The following CREB1 variants were observed in gnomAD, a reference collection of about 807,000 sequenced individuals.
The protein encoded by CREB1 is cAMP responsive element binding protein 1, also known as cyclic AMP-responsive element-binding protein 1.
In CREB1, 2 loss-of-function variants were observed where a neutral mutation model predicts 42.0. The ratio of observed to expected loss-of-function variants is 0.05; its 90% CI spans 0.02 to 0.15. The LOEUF (loss-of-function observed/expected upper bound fraction) is 0.15. Among genes scored for constraint, CREB1 ranks in the 10% least tolerant of loss-of-function variants. The pLI is 1.00. For missense variants in CREB1, 199 were observed against 388.9 expected (o/e 0.51, Z 4.11); for synonymous variants, 123 against 139.9 (o/e 0.88, Z 0.85).
chr2:207,575,171 C>T, intron 5 of CREB1, 101 bp from the exon 6 acceptor site: 1 of 1,243,932 alleles, frequency 8.0e-7, no homozygotes, highest in Non-Finnish European at 1.1e-6. Flanking sequence ...TTTGCTGTAA[C>T]TTCTCCTAGA....
rs781608252 is a variant in CREB1 at position 207,577,550 on chromosome 2, C to G, written c.734C>G (p.Thr245Ser). The change falls in exon 7 of 8, where the codon ACT becomes AGT. Residue 245 changes from threonine to serine, a missense_variant. Physicochemically the swap from Thr to Ser is moderately conservative, Grantham distance 58 (BLOSUM62 1). Around this residue, in one of 4 missense-constraint regions of CREB1, gnomAD observed 66 missense variants for 88.1 expected, o/e 0.75. Transcript: ENST00000353267. ...VQTYQIRTAP[T>S]STIAPGVVMA... ...ACATACCAGATTCGCACAGCACCCA[C>G]TAGCACTATTGCCCCTGGAGTTGTT... 2.5e-6 allele frequency: 4 copies of G among 1,614,118 alleles called. No individual in the cohort carries two copies. Among genetic ancestry groups the G allele is most frequent in the Non-Finnish European group, 3.4e-6 (4 of 1,179,972 alleles).
At chr2:207,577,327 A>G (rs927113535) in intron 6 of CREB1, 178 bp from the exon 7 acceptor site, 2 of 1,034,620 alleles carry the variant, frequency 1.9e-6, no homozygotes, top group Admixed American at 3.1e-5. Flanking sequence ...TTACATTGGG[A>G]ATTATTTCTT....
At chr2:207,534,159 A>G (rs546193745) in intron 1 of CREB1, among the ~76,000 whole-genome samples, 26 of 152,368 alleles carry the variant, frequency 1.7e-4, no homozygotes, top group African/African-American at 5.3e-4. Context: ...TGTGGGGGTT[A>G]ACTATAAAGT....
chr2:207,532,325 GAAAAAAAAAA>G (rs1244936579), intron 1 of CREB1, among the ~76,000 whole-genome samples: 1 of 117,298 alleles, frequency 8.5e-6, no homozygotes, highest in Non-Finnish European at 1.8e-5. Context: ...CCGTCTCAAA[GAAAAAAAAAA>G]AAAAGAAAGA....
At chr2:207,571,047 G>T (rs1269791472) in intron 5 of CREB1, among the ~76,000 whole-genome samples, 6 of 29,618 alleles carry the variant, frequency 2.0e-4, no homozygotes, top group Non-Finnish European at 2.1e-4. Context: ...CTCTCAAAGT[G>T]CTTTATTCAT....
chr2:207,582,910 C>A lies in CREB1; in HGVS notation c.839+5255C>A, dbSNP rs28853093. The A allele has an allele frequency of 3.9e-3, 775 of 201,276 alleles. 4 individuals carry two copies. The highest frequency in any genetic ancestry group is 0.014 in the African/African-American group (368 of 27,048). The allele number at this position is 201,276 out of a possible 1,614,324, so 12.5% of individuals were successfully genotyped here. A position where few individuals can be genotyped will look rare whatever the true frequency, so the allele number is the denominator to read the frequency against. ...TGTCTCAAAAAAACAAACAAACAAA[C>A]AAAAAAAAATATATATATATACATA... On this transcript the variant is annotated intron_variant, in intron 7 of 7. Coordinates refer to ENST00000353267, the MANE Select transcript of CREB1 (RefSeq NM_004379.5).
intron 2 of CREB1, among the ~76,000 whole-genome samples, chr2:207,559,549 A>G (rs775528012): frequency 6.6e-6 from 1 of 152,204 alleles, no homozygotes; most frequent in South Asian, 2.1e-4. Flanking sequence ...TGATTTAGCA[A>G]ATAAAATTCC....
intron 7 of CREB1, among the ~76,000 whole-genome samples, chr2:207,589,084 G>T (rs1416824758): frequency 1.3e-5 from 2 of 152,076 alleles, no homozygotes; most frequent in African/African-American, 4.8e-5. Flanking sequence ...CTTAGGGGGT[G>T]TATTAGTTTT....
chr2:207,574,213 C>T (rs1227881421), intron 5 of CREB1, among the ~76,000 whole-genome samples: 1 of 152,178 alleles, frequency 6.6e-6, no homozygotes, highest in African/African-American at 2.4e-5. Flanking sequence ...AACTAATTCC[C>T]TTCTAATGGA....
chr2:207,603,313 TTG>T lies in CREB1; in HGVS notation c.*6258_*6259del, dbSNP rs2087437253. 1 of 223,410 alleles carries T rather than the reference TTG, an allele frequency of 4.5e-6. No individual in the cohort carries two copies. The highest frequency in any genetic ancestry group is 8.9e-6 in the Non-Finnish European group (1 of 111,890). The allele number at this position is 223,410 out of a possible 1,614,324, so 13.8% of individuals were successfully genotyped here. On this transcript the variant is annotated 3_prime_UTR_variant, in exon 8 of 8. Transcript: ENST00000353267. ...GTATATTAAAGTGATCCTTGTGAAT[TTG>T]TGAAATATTGTCATAAAGTGCTTTT...
chr2:207,587,625 A>T (rs1463327212), intron 7 of CREB1, among the ~76,000 whole-genome samples: 5 of 152,174 alleles, frequency 3.3e-5, no homozygotes, highest in Non-Finnish European at 7.3e-5. Context: ...AAAGAATGAA[A>T]ATACATCATT....
intron 7 of CREB1, among the ~76,000 whole-genome samples, chr2:207,590,966 CTTCT>C (rs1315146754): frequency 6.6e-6 from 1 of 151,952 alleles, no homozygotes; most frequent in Non-Finnish European, 1.5e-5. Flanking sequence ...TCCTTTGAGA[CTTCT>C]TTTTTGACCT....
chr2:207,579,418 A>G (rs979130850), intron 7 of CREB1, among the ~76,000 whole-genome samples: 4 of 152,136 alleles, frequency 2.6e-5, no homozygotes, highest in African/African-American at 9.7e-5. Context: ...CAACAGAAGG[A>G]CTTCTGTTTA....
intron 1 of CREB1, among the ~76,000 whole-genome samples, chr2:207,532,772 A>G (rs1281347150): frequency 6.6e-6 from 1 of 151,180 alleles, no homozygotes; most frequent in Non-Finnish European, 1.5e-5. Context: ...TTTTTTTGAG[A>G]CGGAGTTTGG....
intron 3 of CREB1, among the ~76,000 whole-genome samples, chr2:207,564,030 A>C (rs2082048959): frequency 6.6e-6 from 1 of 152,012 alleles, no homozygotes; most frequent in Non-Finnish European, 1.5e-5. Context: ...ATCTTTAAGA[A>C]ATATATAAAT....
intron 6 of CREB1, 138 bp from the exon 7 acceptor site, chr2:207,577,367 C>G: frequency 8.2e-7 from 1 of 1,225,834 alleles, no homozygotes; most frequent in Non-Finnish European, 1.1e-6. Context: ...CTGATTCTTT[C>G]AACGCTTTAG....
chr2:207,587,282 A>G (rs2084034998), intron 7 of CREB1, among the ~76,000 whole-genome samples: 1 of 151,728 alleles, frequency 6.6e-6, no homozygotes, highest in Non-Finnish European at 1.5e-5. Flanking sequence ...AGTCCCAGCT[A>G]CTCGGGAGGC....
In CREB1 at chr2:207,593,261, C is replaced by T. The variant is rs1342991081; in HGVS notation, c.840-3653C>T. On this transcript the variant is annotated intron_variant, in intron 7 of 7. Coordinates refer to ENST00000353267, the MANE Select transcript of CREB1 (RefSeq NM_004379.5). ...TGTATCAAGGCTGGGTGCGGTGGCTCATGCCTGTAATCCCAGCACTTTGGG... is the reference window on the plus strand; with the variant it reads ...TGTATCAAGGCTGGGTGCGGTGGCTTATGCCTGTAATCCCAGCACTTTGGG... Among the ~76,000 whole-genome samples, 3 of 152,168 alleles carry T rather than the reference C, an allele frequency of 2.0e-5. No individual in the cohort carries two copies. In the East Asian group the frequency reaches 5.8e-4, roughly 29 times the overall value.
At chr2:207,589,167 A>G (rs527464746) in intron 7 of CREB1, among the ~76,000 whole-genome samples, 13 of 152,278 alleles carry the variant, frequency 8.5e-5, no homozygotes, top group East Asian at 5.8e-4. Flanking sequence ...TTCCAGTTCT[A>G]TAAGATCAGA....
Sources: allele counts gnomAD v4.1 joint callset (sites outside exome capture counted in the v4.1 genomes callset), GRCh38; gene constraint gnomAD v4.1.1; regional missense constraint gnomAD v4.1.1; transcripts MANE v1.5; gene names NCBI Gene and HGNC (gene_info 2026-07-23, HGNC 2026-07-21).